ILDR1: variants seen among roughly 807,000 people sequenced by gnomAD.
The protein encoded by ILDR1 is immunoglobulin like domain containing receptor 1.
A neutral mutation model predicts 62.4 loss-of-function variants in ILDR1; 56 were observed. The ratio of observed to expected loss-of-function variants is 0.90; its 90% CI spans 0.72 to 1.12. ILDR1 has a LOEUF of 1.12. Among genes scored for constraint, ILDR1 ranks in the 50% most tolerant of loss-of-function variants. The pLI, the probability that ILDR1 is intolerant of heterozygous loss-of-function variation, is 0.00. For synonymous variants in ILDR1, 284 were observed against 277.8 expected (o/e 1.02, Z -0.22); for missense variants, 736 against 710.6 (o/e 1.04, Z -0.41).
At chr3:122,056,402 T>A in the ILDR1 span, among the ~76,000 whole-genome samples, 1 of 152,228 alleles carries the variant, frequency 6.6e-6, no homozygotes, top group Admixed American at 6.5e-5. Context: ...TGGCGCAATC[T>A]CAGCTCACTG....
At chr3:122,008,991 T>C (rs907020235) in intron 1 of ILDR1, among the ~76,000 whole-genome samples, 20 of 151,670 alleles carry the variant, frequency 1.3e-4, no homozygotes, top group Admixed American at 1.2e-3. Context: ...TAGAGTGCAG[T>C]GGCGCAATCA....
At chr3:122,000,828 C>T (rs1367594952) in intron 5 of ILDR1, among the ~76,000 whole-genome samples, 2 of 152,106 alleles carry the variant, frequency 1.3e-5, no homozygotes, top group African/African-American at 2.4e-5. Context: ...AGTTGGTGTG[C>T]GCTGAGTAAT....
intron 1 of ILDR1, among the ~76,000 whole-genome samples, chr3:122,017,912 G>A (rs2071799146): frequency 6.6e-6 from 1 of 152,128 alleles, no homozygotes; most frequent in African/African-American, 2.4e-5. Context: ...GAGAGGTTGT[G>A]GAAAAATAGG....
chr3:122,006,198 T>C (rs563783297), intron 2 of ILDR1, among the ~76,000 whole-genome samples: 1 of 152,352 alleles, frequency 6.6e-6, no homozygotes, highest in East Asian at 1.9e-4. Context: ...TGAAGACTAA[T>C]GCCTCCCTCT....
the ILDR1 span, among the ~76,000 whole-genome samples, chr3:122,059,248 G>A: frequency 6.6e-6 from 1 of 152,196 alleles, no homozygotes; most frequent in South Asian, 2.1e-4. Flanking sequence ...CAATTCAGTA[G>A]CAGAGAGGTT....
chr3:122,058,771 T>G, the ILDR1 span, among the ~76,000 whole-genome samples: 2 of 152,080 alleles, frequency 1.3e-5, no homozygotes, highest in Non-Finnish European at 2.9e-5. Flanking sequence ...AAAAAATCCC[T>G]TGGCAGAAGA....
At chr3:121,996,457 T>G (rs1402437009) in intron 5 of ILDR1, among the ~76,000 whole-genome samples, 2 of 152,196 alleles carry the variant, frequency 1.3e-5, no homozygotes, top group Admixed American at 1.3e-4. Flanking sequence ...ACACAGCCTT[T>G]GAGCTTTTCT....
chr3:122,034,633 G>A, the ILDR1 span, among the ~76,000 whole-genome samples: 1 of 147,870 alleles, frequency 6.8e-6, no homozygotes, highest in African/African-American at 2.5e-5. Context: ...TTTCTCGCAG[G>A]TTTTTTGTTG....
At chr3:121,991,322 T>A (rs1339513689) in intron 7 of ILDR1, among the ~76,000 whole-genome samples, 1 of 152,130 alleles carries the variant, frequency 6.6e-6, no homozygotes, top group Non-Finnish European at 1.5e-5. Context: ...TTACAGAAAA[T>A]GAAAAGAAAA....
At chr3:122,033,383 G>A in the ILDR1 span, among the ~76,000 whole-genome samples, 5 of 151,494 alleles carry the variant, frequency 3.3e-5, no homozygotes, top group East Asian at 9.7e-4. Context: ...ATGTGTCCTG[G>A]ATATAGTGCC....
chr3:122,000,253 GAAAAAAAAAAA>G (rs757632692), intron 5 of ILDR1, among the ~76,000 whole-genome samples: 4 of 126,754 alleles, frequency 3.2e-5, no homozygotes, highest in Non-Finnish European at 6.8e-5. Flanking sequence ...AGTTAAGGAG[GAAAAAAAAAAA>G]AAAAGAAAAA....
At chr3:121,994,423 A>T in intron 5 of ILDR1, 110 bp from the exon 6 acceptor site, 1 of 1,276,452 alleles carries the variant, frequency 7.8e-7, no homozygotes, top group Non-Finnish European at 1.0e-6. Flanking sequence ...TCTCTTGTCC[A>T]TTCTCACCTA....
At chr3:122,009,585 GTC>G (rs1190848325) in intron 1 of ILDR1, among the ~76,000 whole-genome samples, 2 of 152,176 alleles carry the variant, frequency 1.3e-5, no homozygotes, top group African/African-American at 4.8e-5. Context: ...CAGTATGTGA[GTC>G]TCTTCCTTTT....
At chr3:122,005,435 G>T in intron 2 of ILDR1, 42 bp from the exon 3 acceptor site, 2 of 1,609,642 alleles carry the variant, frequency 1.2e-6, no homozygotes, top group South Asian at 1.1e-5. Flanking sequence ...GCAATAGGGG[G>T]TTCCCACAAA....
chr3:122,038,763 A>G, the ILDR1 span, among the ~76,000 whole-genome samples: 1 of 152,216 alleles, frequency 6.6e-6, no homozygotes, highest in Non-Finnish European at 1.5e-5. Context: ...ATGTAAGCTC[A>G]GACAGATATT....
At chr3:122,054,550 T>A in the ILDR1 span, among the ~76,000 whole-genome samples, 1 of 152,236 alleles carries the variant, frequency 6.6e-6, no homozygotes, top group Non-Finnish European at 1.5e-5. Context: ...GATGCCAAGT[T>A]GTTTTTTGTT....
At chr3:122,054,431 A>C in the ILDR1 span, among the ~76,000 whole-genome samples, 1 of 151,878 alleles carries the variant, frequency 6.6e-6, no homozygotes, top group South Asian at 2.1e-4. Context: ...GCTTGGTGAC[A>C]TATTTCTATT....
At chr3:122,012,862 G>T (rs2071724417) in intron 1 of ILDR1, among the ~76,000 whole-genome samples, 1 of 152,184 alleles carries the variant, frequency 6.6e-6, no homozygotes, top group South Asian at 2.1e-4. Flanking sequence ...TGCAAAATGA[G>T]TTGGTGCCTC....
At position 122,022,066 on chromosome 3, in the gene ILDR1, G is replaced by A. The variant is rs369400454; in HGVS notation, c.12C>T (p.Pro4=). The change falls in exon 1 of 8, where the codon CCC becomes CCT. Residue 4 remains proline (P), a synonymous_variant. Coordinates refer to ENST00000344209, the MANE Select transcript of ILDR1 (RefSeq NM_001199799.2). ...GCAGCAGCCAAGGTGCGGGCAGTTT[G>A]GGCCATGCCATGCCGCCCCCTTTCT... MAW[P]KLPAPWLLLC... is the part of the protein sequence containing the mutation. 1.8e-5 allele frequency: 29 copies of A among 1,609,804 alleles called. No individual in the cohort carries two copies. Among genetic ancestry groups the A allele is most frequent in the South Asian group, 3.3e-5 (3 of 89,918 alleles).
Sources: gnomAD v4.1 joint callset for allele counts (sites outside exome capture counted in the v4.1 genomes callset) on GRCh38, gnomAD v4.1.1 for gene constraint, MANE v1.5 for transcripts, NCBI Gene and HGNC (gene_info 2026-07-23, HGNC 2026-07-21) for gene names.